The following FSD1L variants were observed in gnomAD, a reference collection of about 807,000 sequenced individuals.
FSD1L encodes fibronectin type III and SPRY domain containing 1 like.
Under a neutral mutation model 71.6 loss-of-function variants are expected in FSD1L, and 45 were observed. The ratio of observed to expected loss-of-function variants is 0.63; its 90% confidence interval spans 0.49 to 0.81. FSD1L has a LOEUF of 0.81. Among genes scored for constraint, FSD1L ranks in the 30% least tolerant of loss-of-function variants. The pLI is 0.00. For synonymous variants in FSD1L, 197 were observed against 207.2 expected (o/e 0.95, Z 0.42); for missense variants, 561 against 618.1 (o/e 0.91, Z 0.98).
intron 1 of FSD1L, among the ~76,000 whole-genome samples, chr9:105,454,102 G>A (rs1421390120): frequency 6.6e-6 from 1 of 152,064 alleles, no homozygotes; most frequent in Non-Finnish European, 1.5e-5. Flanking sequence ...TATAAATAAA[G>A]TGAAAATAAA....
At chr9:105,520,329 G>A in intron 10 of FSD1L, 1 of 1,342,104 alleles carries the variant, frequency 7.5e-7, no homozygotes, top group Admixed American at 2.1e-5. Context: ...ATGCGTATTT[G>A]TTTTGGAAAG....
intron 1 of FSD1L, among the ~76,000 whole-genome samples, chr9:105,457,460 T>C (rs988419130): frequency 1.3e-5 from 2 of 152,222 alleles, no homozygotes; most frequent in African/African-American, 4.8e-5. Flanking sequence ...GAGAACTGAT[T>C]ACTGGGGAGA....
chr9:105,472,180 G>A, intron 5 of FSD1L, 175 bp downstream of exon 5: 5 of 735,474 alleles, frequency 6.8e-6, no homozygotes, highest in Non-Finnish European at 9.9e-6. Flanking sequence ...ACACTTAGAA[G>A]TGTGTGTCTT....
At chr9:105,466,707 AT>A (rs1219935826) in intron 3 of FSD1L, among the ~76,000 whole-genome samples, 23 of 148,332 alleles carry the variant, frequency 1.6e-4, no homozygotes, top group East Asian at 3.9e-4. Context: ...AAAAAAAAAA[AT>A]AATTATTTTA....
rs74689671 is a variant in FSD1L, at chr9:105,551,396, A to C, written c.*4913A>C. ...AATTGTTTATCATCTTTGGGTCTCT[A>C]TTGCCTTCTTTATAAAATAAGTGTA... On this transcript the variant is annotated 3_prime_UTR_variant, in exon 14 of 14. Coordinates refer to ENST00000481272, the MANE Select transcript of FSD1L (RefSeq NM_001145313.3). 1 of 151,984 alleles carries C rather than the reference A, an allele frequency of 6.6e-6. No homozygotes were observed. Among genetic ancestry groups the C allele is most frequent in the Non-Finnish European group, 1.5e-5 (1 of 67,968 alleles). The allele number at this position is 151,984 out of a possible 1,614,324, so 9.4% of individuals were successfully genotyped here.
intron 1 of FSD1L, among the ~76,000 whole-genome samples, chr9:105,456,365 G>C (rs1031576854): frequency 6.6e-6 from 1 of 152,140 alleles, no homozygotes; most frequent in African/African-American, 2.4e-5. Flanking sequence ...TACTTCATAG[G>C]ATTCTTGAAA....
chr9:105,443,060 G>T (rs534917986), upstream of FSD1L, among the ~76,000 whole-genome samples: 5 of 152,256 alleles, frequency 3.3e-5, no homozygotes, highest in South Asian at 1.0e-3. Flanking sequence ...TTCTCACATG[G>T]TTTCACTAGT....
chr9:105,484,921 A>G (rs552001839), intron 7 of FSD1L, among the ~76,000 whole-genome samples: 2 of 152,330 alleles, frequency 1.3e-5, no homozygotes, highest in East Asian at 3.9e-4. Context: ...TGATACCTCT[A>G]AAATATTTAT....
chr9:105,497,333 G>A (rs1437329107), intron 7 of FSD1L, among the ~76,000 whole-genome samples: 1 of 152,134 alleles, frequency 6.6e-6, no homozygotes, highest in Non-Finnish European at 1.5e-5. Context: ...TTCTTTTGGA[G>A]TAATATCTTT....
At chr9:105,484,198 C>G (rs1384375726) in intron 6 of FSD1L, among the ~76,000 whole-genome samples, 183 bp from the exon 7 acceptor site, 1 of 151,972 alleles carries the variant, frequency 6.6e-6, no homozygotes, top group African/African-American at 2.4e-5. Context: ...TTTAAAAAGA[C>G]ATTTTGTAGT....
intron 1 of FSD1L, among the ~76,000 whole-genome samples, chr9:105,458,174 C>G (rs1419629120): frequency 6.6e-6 from 1 of 152,176 alleles, no homozygotes; most frequent in African/African-American, 2.4e-5. Context: ...CCGCCTGATG[C>G]TGGTGGAAGT....
chr9:105,489,055 T>A (rs1832744107), intron 7 of FSD1L, among the ~76,000 whole-genome samples: 1 of 152,126 alleles, frequency 6.6e-6, no homozygotes, highest in Non-Finnish European at 1.5e-5. Flanking sequence ...AGAAAAGCAT[T>A]AAGATTAAGA....
At chr9:105,492,038 CT>C (rs1210560236) in intron 7 of FSD1L, among the ~76,000 whole-genome samples, 1 of 151,726 alleles carries the variant, frequency 6.6e-6, no homozygotes, top group East Asian at 1.9e-4. Context: ...AGGATTCCTT[CT>C]TTTTTATTGA....
At chr9:105,452,669 G>GCCTGCCTTCCTGCCTTCCTTCCTT (rs1191519308) in intron 1 of FSD1L, among the ~76,000 whole-genome samples, 2 of 96,174 alleles carry the variant, frequency 2.1e-5, no homozygotes, top group African/African-American at 8.5e-5. Context: ...CTGCCTGCCT[G>GCCTGCCTTCCTGCCTTCCTTCCTT]CCTTCCTTCC....
chr9:105,506,728 A>G, intron 8 of FSD1L, 120 bp downstream of exon 8: 2 of 685,540 alleles, frequency 2.9e-6, no homozygotes, highest in Non-Finnish European at 4.9e-6. Context: ...GAGTTTTTAG[A>G]TACTCAGTAT....
the FSD1L span, among the ~76,000 whole-genome samples, chr9:105,442,661 C>G: frequency 6.6e-6 from 1 of 151,946 alleles, no homozygotes; most frequent in Non-Finnish European, 1.5e-5. Context: ...GCACTCCAGC[C>G]TGGGTGACAG....
chr9:105,478,355 TG>T (rs1438524478), intron 5 of FSD1L, among the ~76,000 whole-genome samples: 1 of 152,176 alleles, frequency 6.6e-6, no homozygotes, highest in Non-Finnish European at 1.5e-5. Flanking sequence ...ACGTTAGAAC[TG>T]AAGAAGAGAG....
rs547691751 is a variant in FSD1L at position 105,495,359 on chromosome 9, C to T, written c.586+10857C>T. 4.5e-4 allele frequency among the ~76,000 whole-genome samples: 68 copies of T among 152,198 alleles called. 1 individual carries two copies. Among genetic ancestry groups the T allele is most frequent in the Non-Finnish European group, 6.5e-4 (44 of 68,024 alleles). On this transcript the variant is annotated intron_variant, in intron 7 of 13. Transcript: ENST00000481272. ...GTTTTTAAAGCCCGTCGGAAAAGTGCAGTATTGGGGTGGGAATGACCTGAT... is the reference window on the plus strand; with the variant it reads ...GTTTTTAAAGCCCGTCGGAAAAGTGTAGTATTGGGGTGGGAATGACCTGAT...
chr9:105,489,979 C>G (rs1160262817), intron 7 of FSD1L, among the ~76,000 whole-genome samples: 15 of 152,074 alleles, frequency 9.9e-5, no homozygotes, highest in Admixed American at 9.8e-4. Context: ...GTGCATGTGT[C>G]TTTATAGCAG....
Sources: gnomAD v4.1 joint callset for allele counts (sites outside exome capture counted in the v4.1 genomes callset) on GRCh38, gnomAD v4.1.1 for gene constraint, MANE v1.5 for transcripts, NCBI Gene and HGNC (gene_info 2026-07-23, HGNC 2026-07-21) for gene names.